Variants in RMC1 observed in about 807,000 individuals in gnomAD.
RMC1 encodes the protein regulator of MON1-CCZ1 complex.
RMC1 carries 44 observed loss-of-function variants against 95.5 expected under a neutral mutation model. The observed-to-expected ratio is 0.46, with a 90% CI of 0.36 to 0.59. RMC1 has a LOEUF of 0.59. RMC1 is among the 20% of genes least tolerant of loss of function. The pLI is 0.00. For missense variants in RMC1, 705 were observed against 819.6 expected (o/e 0.86, Z 1.71); for synonymous variants, 320 against 303.6 (o/e 1.05, Z -0.56).
chr18:23,519,532 A>T (rs1039851278), intron 9 of RMC1, among the ~76,000 whole-genome samples: 24 of 152,122 alleles, frequency 1.6e-4, no homozygotes, highest in Non-Finnish European at 5.9e-5. Context: ...AAAAAAAAAA[A>T]ATTGGCAAAA....
At chr18:23,516,724 CTTCTT>C (rs1567920938) in intron 7 of RMC1, among the ~76,000 whole-genome samples, 8 of 140,472 alleles carry the variant, frequency 5.7e-5, no homozygotes, top group Admixed American at 1.4e-4. Context: ...AGAATTTCTT[CTTCTT>C]TTTTTTTTTT....
At chr18:23,523,752 C>T (rs1411715435) in intron 10 of RMC1, among the ~76,000 whole-genome samples, 1 of 151,992 alleles carries the variant, frequency 6.6e-6, no homozygotes, top group African/African-American at 2.4e-5. Flanking sequence ...AAGCTACAAG[C>T]CACATTTATT....
chr18:23,511,620 A>G lies in RMC1; in HGVS notation c.408+2341A>G, dbSNP rs181245694. On this transcript the variant is annotated intron_variant, in intron 5 of 19. Transcript: ENST00000269221. The stretch of plus-strand genomic sequence containing the variant: ...AAATACAAACTTCTTTTTAACAAAA[A>G]GGGGAATGTTGTATATAAACTTTTG... Among the ~76,000 whole-genome samples the G allele has an allele frequency of 2.6e-5, 4 of 152,202 alleles. 1 individual carries two copies. Among genetic ancestry groups the G allele is most frequent in the Admixed American group, 2.6e-4 (4 of 15,284 alleles).
intron 6 of RMC1, 132 bp from the exon 7 acceptor site, chr18:23,516,188 A>AGAG (rs2058000123): frequency 5.3e-6 from 7 of 1,319,386 alleles, no homozygotes; most frequent in Non-Finnish European, 7.5e-6. Flanking sequence ...ACAGGCTGTG[A>AGAG]GAGGACATGG....
intron 7 of RMC1, 115 bp downstream of exon 7, chr18:23,516,538 G>A (rs2058010747): frequency 9.8e-7 from 1 of 1,019,868 alleles, no homozygotes; most frequent in African/African-American, 1.6e-5. Flanking sequence ...ACATAAGGAG[G>A]ACTCCCCTTG....
intron 18 of RMC1, 23 bp from the exon 19 acceptor site, chr18:23,530,364 G>C (rs1275150090): frequency 1.4e-5 from 22 of 1,613,948 alleles, no homozygotes; most frequent in Non-Finnish European, 1.9e-5. Context: ...GCACTGACCT[G>C]GACTTCTCTC....
At chr18:23,507,444 G>A (rs1410159775) in intron 3 of RMC1, among the ~76,000 whole-genome samples, 1 of 152,144 alleles carries the variant, frequency 6.6e-6, no homozygotes, top group Non-Finnish European at 1.5e-5. Flanking sequence ...CTTGATAGCA[G>A]CATAGAATAT....
chr18:23,518,871 CTG>C lies in RMC1; in HGVS notation c.654-17_654-16del, dbSNP rs1567922735. On this transcript the variant is annotated splice_polypyrimidine_tract_variant and intron_variant, in intron 7 of 19. Transcript: ENST00000269221. ...TTGAATGGCCAGATGTGATTTATGTCTGTTTGTTCCCTAATTAGATACGGGCA... is the reference window on the plus strand; with the variant it reads ...TTGAATGGCCAGATGTGATTTATGTCTTTGTTCCCTAATTAGATACGGGCA... 6.2e-7 allele frequency: 1 copy of C among 1,610,740 alleles called. No individual in the cohort carries two copies. Among genetic ancestry groups the C allele is most frequent in the South Asian group, 1.1e-5 (1 of 90,978 alleles).
chr18:23,505,362 T>C (rs1385857061), intron 2 of RMC1, among the ~76,000 whole-genome samples: 1 of 152,160 alleles, frequency 6.6e-6, no homozygotes, highest in East Asian at 1.9e-4. Flanking sequence ...GCACCCGGCC[T>C]GAGCAAGGTT....
At chr18:23,524,247 C>G in intron 11 of RMC1, 73 bp downstream of exon 11, 2 of 1,570,738 alleles carry the variant, frequency 1.3e-6, no homozygotes, top group Non-Finnish European at 1.7e-6. Context: ...TCCTGAAGTC[C>G]TCCTCCGGGC....
At chr18:23,531,061 C>G (rs1275254767) in intron 19 of RMC1, among the ~76,000 whole-genome samples, 1 of 151,408 alleles carries the variant, frequency 6.6e-6, no homozygotes, top group African/African-American at 2.4e-5. Flanking sequence ...GTGGTGTGAT[C>G]TCGGTTCACT....
intron 12 of RMC1, 86 bp from the exon 13 acceptor site, chr18:23,526,551 G>C (rs199645909): frequency 7.6e-5 from 114 of 1,507,178 alleles, no homozygotes; most frequent in Non-Finnish European, 9.2e-5. Context: ...CCTGCCACCC[G>C]CCCCGCAGAT....
In RMC1 at chr18:23,508,057, C is replaced by G; in HGVS notation, c.321+16C>G. ...GGAGTGCAAGGTATGACCCCAGGCCCTTTCTCAGCTGCTGGTGTCAGTGGT... is the reference window on the plus strand; with the variant it reads ...GGAGTGCAAGGTATGACCCCAGGCCGTTTCTCAGCTGCTGGTGTCAGTGGT... On this transcript the variant is annotated intron_variant, in intron 4 of 19. Coordinates refer to ENST00000269221, the MANE Select transcript of RMC1 (RefSeq NM_013326.5). The G allele has an allele frequency of 6.3e-7, 1 of 1,596,278 alleles. No homozygotes were observed. Among genetic ancestry groups the G allele is most frequent in the South Asian group, 1.2e-5 (1 of 86,886 alleles).
chr18:23,505,202 C>T (rs749681468), intron 2 of RMC1, among the ~76,000 whole-genome samples: 6 of 152,086 alleles, frequency 3.9e-5, no homozygotes, highest in East Asian at 1.9e-4. Context: ...GGATTAGAGG[C>T]GCCCACCACC....
At chr18:23,514,480 G>A (rs764110698) in intron 5 of RMC1, among the ~76,000 whole-genome samples, 4 of 152,090 alleles carry the variant, frequency 2.6e-5, no homozygotes, top group African/African-American at 4.8e-5. Context: ...TCCCTTGAAC[G>A]TGGGAGGTGG....
intron 12 of RMC1, among the ~76,000 whole-genome samples, chr18:23,524,744 C>A (rs1463474828): frequency 6.6e-6 from 1 of 151,828 alleles, no homozygotes; most frequent in Admixed American, 6.6e-5. Context: ...AGCCAGACTC[C>A]ACCCCAGGGT....
chr18:23,523,144 C>G (rs373039882), intron 10 of RMC1, among the ~76,000 whole-genome samples: 29 of 152,318 alleles, frequency 1.9e-4, no homozygotes, highest in African/African-American at 6.7e-4. Flanking sequence ...TTCGCCAAAG[C>G]TTGTCTGCCT....
At position 23,530,523 on chromosome 18, in the gene RMC1, A is replaced by G. The variant is rs2058461005; in HGVS notation, c.1805A>G (p.Gln602Arg). ...SARKFLDAAK[Q>R]TEDNMLFYTI... The stretch of plus-strand genomic sequence containing the variant: ...CGAAAATTTTTAGATGCTGCAAAGC[A>G]GACTGAAGACAACATGCTTTTCTAT... Residue 602 changes from glutamine to arginine, a missense_variant, in exon 19 of 20, where the codon CAG becomes CGG. Coordinates refer to ENST00000269221, the MANE Select transcript of RMC1 (RefSeq NM_013326.5). 6.2e-7 allele frequency: 1 copy of G among 1,614,162 alleles called. No homozygotes were observed. The highest frequency in any genetic ancestry group is 1.7e-5 in the Admixed American group (1 of 60,012).
chr18:23,518,880 C>A lies in RMC1; in HGVS notation c.654-10C>A. On this transcript the variant is annotated splice_polypyrimidine_tract_variant and intron_variant, in intron 7 of 19. Coordinates refer to ENST00000269221, the MANE Select transcript of RMC1 (RefSeq NM_013326.5). Reference sequence around the variant, plus strand: ...CAGATGTGATTTATGTCTGTTTGTTCCCTAATTAGATACGGGCAGCTGTAT... The same window carrying A: ...CAGATGTGATTTATGTCTGTTTGTTACCTAATTAGATACGGGCAGCTGTAT... 6.2e-7 allele frequency: 1 copy of A among 1,613,198 alleles called. No individual in the cohort carries two copies. Among genetic ancestry groups the A allele is most frequent in the Non-Finnish European group, 8.5e-7 (1 of 1,179,228 alleles).
Sources: gnomAD v4.1 joint callset for allele counts (sites outside exome capture counted in the v4.1 genomes callset) on GRCh38, gnomAD v4.1.1 for gene constraint, MANE v1.5 for transcripts, NCBI Gene and HGNC (gene_info 2026-07-23, HGNC 2026-07-21) for gene names.